The following ZHX2 variants were observed in gnomAD, a reference collection of about 807,000 sequenced individuals.
ZHX2 encodes zinc fingers and homeoboxes 2.
Under a neutral mutation model 21.9 loss-of-function variants are expected in ZHX2, and 6 were observed. The ratio of observed to expected loss-of-function variants is 0.27; its 90% CI spans 0.15 to 0.54. The LOEUF is 0.54. Ranked by LOEUF, ZHX2 falls within the 20% of genes least tolerant of loss-of-function variation. The pLI is 0.95. For synonymous variants in ZHX2, 434 were observed against 437.1 expected (o/e 0.99, Z 0.09); for missense variants, 908 against 1,090.7 (o/e 0.83, Z 2.36).
In ZHX2 at chr8:122,863,510, G is replaced by A; in HGVS notation, c.-249G>A. On this transcript the variant is annotated 5_prime_UTR_variant, in exon 2 of 4. Transcript: ENST00000314393. ...GTACCGACTGCTTTTGGAATAAAAAGATTCCCAGGATGTGAGCAACACGGG... is the reference window on the plus strand; with the variant it reads ...GTACCGACTGCTTTTGGAATAAAAAAATTCCCAGGATGTGAGCAACACGGG... 6.5e-6 allele frequency: 1 copy of A among 152,868 alleles called. No individual in the cohort carries two copies. Among genetic ancestry groups the A allele is most frequent in the East Asian group, 1.9e-4 (1 of 5,180 alleles). The allele number at this position is 152,868 out of a possible 1,614,324, so 9.5% of individuals were successfully genotyped here.
chr8:122,785,165 G>A (rs1817370201), intron 1 of ZHX2, among the ~76,000 whole-genome samples: 1 of 152,250 alleles, frequency 6.6e-6, no homozygotes, highest in South Asian at 2.1e-4. Context: ...CCTAGAGGTG[G>A]GAGCAGCTGA....
chr8:122,788,427 C>T (rs1360715404), intron 1 of ZHX2, among the ~76,000 whole-genome samples: 1 of 152,022 alleles, frequency 6.6e-6, no homozygotes, highest in East Asian at 1.9e-4. Context: ...ATGAACTGGG[C>T]GTGGTGACAC....
At chr8:122,838,378 T>C (rs1490601972) in intron 1 of ZHX2, among the ~76,000 whole-genome samples, 1 of 152,200 alleles carries the variant, frequency 6.6e-6, no homozygotes, top group African/African-American at 2.4e-5. Context: ...TTTGGAGATT[T>C]ATTGTTATTT....
chr8:122,915,759 G>A (rs1317713116), intron 2 of ZHX2, among the ~76,000 whole-genome samples: 1 of 152,180 alleles, frequency 6.6e-6, no homozygotes, highest in African/African-American at 2.4e-5. Context: ...GCTCATTTCT[G>A]GTGGAGTCTT....
At chr8:122,854,027 C>T (rs1330510890) in intron 1 of ZHX2, among the ~76,000 whole-genome samples, 1 of 152,186 alleles carries the variant, frequency 6.6e-6, no homozygotes, top group Non-Finnish European at 1.5e-5. Context: ...GTATACCTCT[C>T]TACATAGTCA....
At chr8:122,812,466 G>T (rs1178761850) in intron 1 of ZHX2, among the ~76,000 whole-genome samples, 1 of 152,142 alleles carries the variant, frequency 6.6e-6, no homozygotes, top group Non-Finnish European at 1.5e-5. Context: ...GAAGCAACTT[G>T]CCCAAGGCCA....
intron 1 of ZHX2, among the ~76,000 whole-genome samples, chr8:122,859,175 G>A (rs1024809593): frequency 6.6e-6 from 1 of 152,218 alleles, no homozygotes; most frequent in Non-Finnish European, 1.5e-5. Flanking sequence ...CAAGACTAGC[G>A]CTCCTTCCAG....
chr8:122,886,136 G>A (rs1819837096), intron 2 of ZHX2, among the ~76,000 whole-genome samples: 1 of 152,174 alleles, frequency 6.6e-6, no homozygotes. Context: ...CCAGTGGGGT[G>A]TTATTCAGCC....
At position 122,803,271 on chromosome 8, in the gene ZHX2, T is replaced by C. The variant is rs111363297; in HGVS notation, c.-283+21325T>C. Among the ~76,000 whole-genome samples, 459 of 152,246 alleles carry C rather than the reference T, an allele frequency of 3.0e-3. 1 individual carries two copies. Among genetic ancestry groups the C allele is most frequent in the African/African-American group, 0.01 (432 of 41,526 alleles). On this transcript the variant is annotated intron_variant, in intron 1 of 3. Transcript: ENST00000314393. The stretch of plus-strand genomic sequence containing the variant: ...TTGGCAGTGTCACTATGTGGTGCCT[T>C]TTCGTTAAGGACCGTGATGGTGGCC...
At chr8:122,871,034 G>C (rs11786424) in intron 2 of ZHX2, among the ~76,000 whole-genome samples, 57,760 of 152,016 alleles carry the variant, frequency 0.38, 11,665 homozygotes, top group African/African-American at 0.52. Context: ...GGAGCGGGCA[G>C]GACGGGGAGC....
At chr8:122,858,703 C>T (rs181460677) in intron 1 of ZHX2, among the ~76,000 whole-genome samples, 1,636 of 145,084 alleles carry the variant, frequency 0.011, 14 homozygotes, top group Middle Eastern at 0.075. Context: ...TGCAGTGGCA[C>T]GATCTTGGCT....
At chr8:122,899,500 G>T (rs1410550543) in intron 2 of ZHX2, among the ~76,000 whole-genome samples, 1 of 152,128 alleles carries the variant, frequency 6.6e-6, no homozygotes, top group African/African-American at 2.4e-5. Context: ...TGCACAAAAA[G>T]AGAAATATTT....
chr8:122,881,491 G>A (rs575972027), intron 2 of ZHX2, among the ~76,000 whole-genome samples: 2 of 152,292 alleles, frequency 1.3e-5, no homozygotes, highest in East Asian at 3.9e-4. Context: ...AATTAAATGT[G>A]TTAATCCATA....
At chr8:122,835,279 G>A (rs1225008661) in intron 1 of ZHX2, among the ~76,000 whole-genome samples, 1 of 152,242 alleles carries the variant, frequency 6.6e-6, no homozygotes, top group Admixed American at 6.5e-5. Context: ...CTGAAGTAAG[G>A]GCGGGGCATG....
In ZHX2 at chr8:122,824,109, C is replaced by T. The variant is rs1476105612; in HGVS notation, c.-282-39368C>T. Among the ~76,000 whole-genome samples, 8 of 152,112 alleles carry T rather than the reference C, an allele frequency of 5.3e-5. No individual in the cohort carries two copies. In the East Asian group the frequency reaches 1.5e-3, roughly 29 times the overall value. On this transcript the variant is annotated intron_variant, in intron 1 of 3. Coordinates refer to ENST00000314393, the MANE Select transcript of ZHX2 (RefSeq NM_014943.5). Reference sequence around the variant, plus strand: ...CTTTCCCCTTTTCTTTCATGCCTGTCTCATCTCATCACTTAGTCCTGAGTC... The same window carrying T: ...CTTTCCCCTTTTCTTTCATGCCTGTTTCATCTCATCACTTAGTCCTGAGTC...
At chr8:122,971,553 G>A (rs1355319864) in intron 3 of ZHX2, among the ~76,000 whole-genome samples, 2 of 138,874 alleles carry the variant, frequency 1.4e-5, no homozygotes, top group Non-Finnish European at 3.0e-5. Flanking sequence ...TGGCATTATC[G>A]ATGATCAGCT....
At chr8:122,831,548 G>A (rs1234523778) in intron 1 of ZHX2, among the ~76,000 whole-genome samples, 1 of 152,190 alleles carries the variant, frequency 6.6e-6, no homozygotes, top group East Asian at 1.9e-4. Context: ...CTTTTCTTCT[G>A]AGGAGTAAAG....
intron 1 of ZHX2, among the ~76,000 whole-genome samples, chr8:122,827,160 CAAGT>C (rs1026338323): frequency 2.0e-5 from 3 of 152,142 alleles, no homozygotes; most frequent in African/African-American, 7.2e-5. Context: ...GCTGTGACTA[CAAGT>C]TTGCGCCACC....
intron 1 of ZHX2, among the ~76,000 whole-genome samples, chr8:122,848,934 T>C (rs541080463): frequency 7.9e-5 from 12 of 152,120 alleles, no homozygotes; most frequent in Non-Finnish European, 1.8e-4. Context: ...TTGTGATGAG[T>C]GCTGAGGTGC....
Sources: allele counts gnomAD v4.1 joint callset (sites outside exome capture counted in the v4.1 genomes callset), GRCh38; gene constraint gnomAD v4.1.1; transcripts MANE v1.5; gene names NCBI Gene and HGNC (gene_info 2026-07-23, HGNC 2026-07-21).